Variants in WDR46 observed in about 807,000 individuals in gnomAD.
The protein encoded by WDR46 is WD repeat-containing protein 46.
Under a neutral mutation model 74.7 loss-of-function variants are expected in WDR46, and 58 were observed. That is an observed-to-expected ratio of 0.78 (90% confidence interval 0.63 to 0.97). The LOEUF is 0.97. Ranked by LOEUF, WDR46 falls within the 50% of genes least tolerant of loss-of-function variation. The probability of loss-of-function intolerance (pLI) is 0.00; values close to 1 mark genes in which losing one functional copy is unlikely to be tolerated. For missense variants in WDR46, 702 were observed against 790.1 expected, an observed-to-expected ratio of 0.89 and a Z score of 1.34; for synonymous variants, 278 against 297.3, an observed-to-expected ratio of 0.93 and a Z score of 0.67.
rs780661200 is a variant in WDR46, at chr6:33,288,148, C to T, written c.561G>A (p.Lys187=). 6.2e-7 allele frequency: 1 copy of T among 1,614,244 alleles called. No homozygotes were observed. The change falls in exon 5 of 15, where the codon AAG becomes AAA. Residue 187 remains lysine, a splice_region_variant and synonymous_variant. Coordinates refer to ENST00000374617, the MANE Select transcript of WDR46 (RefSeq NM_005452.6). ...GGCTCCTTTACCTCCTCAGGCTCAC[C>T]TTGGCTGCACTTGCAATGTCCACAG... ...VEAVDIASAA[K]HFDLNLRQFG... is the part of the protein sequence containing the mutation.
intron 10 of WDR46, among the ~76,000 whole-genome samples, chr6:33,282,615 GC>G (rs1415910702): frequency 6.6e-6 from 1 of 152,228 alleles, no homozygotes; most frequent in Non-Finnish European, 1.5e-5. Flanking sequence ...CATCACTGGA[GC>G]CCCCGTGGCC....
In WDR46 at chr6:33,288,339, C is replaced by T. The variant is rs1216455728; in HGVS notation, c.473+19G>A. On this transcript the variant is annotated intron_variant, in intron 4 of 14. Transcript: ENST00000374617. ...TCCCAAAAGGCAGGGAATGGGGGTC[C>T]AGATTAGGGCTCACTCACCCAGGTT... The T allele has an allele frequency of 1.2e-6, 2 of 1,613,938 alleles. No homozygotes were observed. Among genetic ancestry groups the T allele is most frequent in the Admixed American group, 1.7e-5 (1 of 60,024 alleles).
Position 33,286,817 on chromosome 6 carries a change from C to T in WDR46, c.1093G>A (p.Val365Met). 6.2e-7 allele frequency: 1 copy of T among 1,614,146 alleles called. No homozygotes were observed. The highest frequency in any genetic ancestry group is 8.5e-7 in the Non-Finnish European group (1 of 1,180,038). Reference sequence around the variant, plus strand: ...TACGTGCCTGTAGAATCTACTGCCACAGCCCGGACCCCACCACGATGACAG... The same window carrying T: ...TACGTGCCTGTAGAATCTACTGCCATAGCCCGGACCCCACCACGATGACAG... Reference protein sequence around the residue: ...ILCHRGGVRAVAVDSTGTYMA... With the variant: ...ILCHRGGVRAMAVDSTGTYMA... Residue 365 changes from valine (V) to methionine (M), a missense_variant, in exon 10 of 15, where the codon GTG becomes ATG. Val to Met is a conservative substitution (Grantham distance 21). Coordinates refer to ENST00000374617, the MANE Select transcript of WDR46 (RefSeq NM_005452.6).
At chr6:33,282,766 G>A (rs1766296186) in intron 10 of WDR46, among the ~76,000 whole-genome samples, 1 of 151,982 alleles carries the variant, frequency 6.6e-6, no homozygotes, top group African/African-American at 2.4e-5. Flanking sequence ...AGGAGTGGCT[G>A]ACCCAGGTAG....
intron 10 of WDR46, among the ~76,000 whole-genome samples, chr6:33,281,938 A>G (rs1766222765): frequency 6.6e-6 from 1 of 152,126 alleles, no homozygotes; most frequent in South Asian, 2.1e-4. Flanking sequence ...GGTTCAAGTG[A>G]TTCTCGTGCC....
intron 10 of WDR46, among the ~76,000 whole-genome samples, chr6:33,283,533 T>C (rs761625527): frequency 5.3e-5 from 8 of 152,110 alleles, no homozygotes; most frequent in African/African-American, 1.2e-4. Context: ...AGAGAAACTT[T>C]AGGAGGCGGT....
At position 33,280,898 on chromosome 6, in the gene WDR46, T is replaced by C. The variant is rs1468270878; in HGVS notation, c.1205A>G (p.His402Arg). Residue 402 changes from histidine (H) to arginine (R), a missense_variant, in exon 11 of 15, where the codon CAT becomes CGT. His to Arg is a conservative substitution (Grantham distance 29). Transcript: ENST00000374617. ...GGAGAAGGCCAGGTGCCCTGCTCCA[T>C]GGGGCAGGGTCCGAGTGCTCAGAGG... ...YQPLSTRTLP[H>R]GAGHLAFSQR... 4.3e-6 allele frequency: 7 copies of C among 1,614,066 alleles called. No homozygotes were observed. In the African/African-American group the frequency reaches 6.7e-5, roughly 15 times the overall value.
rs1416363166 is a variant in WDR46 at position 33,280,729 on chromosome 6, A to T, written c.1374T>A (p.Phe458Leu). The change falls in exon 11 of 15, where the codon TTT (phenylalanine) becomes TTA (leucine). Residue 458 changes from phenylalanine (F) to leucine (L), a missense_variant. Physicochemically the swap from Phe to Leu is conservative, Grantham distance 22. Transcript: ENST00000374617. The part of the protein sequence containing the change: ...GPVHGLQFCP[F>L]EDVLGVGHTG... Reference sequence around the variant, plus strand: ...TGTGCCCCACCCCCAGCACATCTTCAAAGGGGCAGAACTGAAGGCCATGCA... The same window carrying T: ...TGTGCCCCACCCCCAGCACATCTTCTAAGGGGCAGAACTGAAGGCCATGCA... 12 of 1,604,554 alleles carry T rather than the reference A, an allele frequency of 7.5e-6. No homozygotes were observed. The highest frequency in any genetic ancestry group is 1.0e-5 in the Non-Finnish European group (12 of 1,173,876).
chr6:33,283,793 G>A (rs1166538723), intron 10 of WDR46, among the ~76,000 whole-genome samples: 1 of 152,142 alleles, frequency 6.6e-6, no homozygotes, highest in Non-Finnish European at 1.5e-5. Flanking sequence ...CAGCTACTTG[G>A]AGGCTGAGGC....
In WDR46 at chr6:33,280,893, C is replaced by T; in HGVS notation, c.1210G>A (p.Ala404Thr). Reference sequence around the variant, plus strand: ...CTCTGGGAGAAGGCCAGGTGCCCTGCTCCATGGGGCAGGGTCCGAGTGCTC... The same window carrying T: ...CTCTGGGAGAAGGCCAGGTGCCCTGTTCCATGGGGCAGGGTCCGAGTGCTC... ...PLSTRTLPHG[A>T]GHLAFSQRGL... The change falls in exon 11 of 15, where the codon GCA (alanine) becomes ACA (threonine). Residue 404 changes from alanine (A) to threonine (T), a missense_variant. Coordinates refer to ENST00000374617, the MANE Select transcript of WDR46 (RefSeq NM_005452.6). 6.2e-7 allele frequency: 1 copy of T among 1,614,234 alleles called. No homozygotes were observed. Among genetic ancestry groups the T allele is most frequent in the East Asian group, 2.2e-5 (1 of 44,886 alleles).
rs368543795 is a variant in WDR46, at chr6:33,286,901, G to A, written c.1016-7C>T. 10 of 1,613,984 alleles carry A rather than the reference G, an allele frequency of 6.2e-6. No homozygotes were observed. Among genetic ancestry groups the A allele is most frequent in the South Asian group, 4.4e-5 (4 of 91,048 alleles). On this transcript the variant is annotated splice_polypyrimidine_tract_variant and splice_region_variant and intron_variant, in intron 9 of 14. Transcript: ENST00000374617. ...CTCCATAAAGACACAGTACCTGGAA[G>A]AGAAGAAGAACCAAAGTTGCTAATA...
chr6:33,281,992 G>A (rs1039554242), intron 10 of WDR46, among the ~76,000 whole-genome samples: 2 of 152,074 alleles, frequency 1.3e-5, no homozygotes, highest in Non-Finnish European at 2.9e-5. Context: ...CGCCACCACC[G>A]CTAATTTTTA....
intron 5 of WDR46, 24 bp from the exon 6 acceptor site, chr6:33,288,050 A>G (rs1228831610): frequency 1.2e-6 from 2 of 1,614,114 alleles, no homozygotes; most frequent in Non-Finnish European, 1.7e-6. Flanking sequence ...GAGTGAAAAA[A>G]AAGAGTGCCC....
chr6:33,286,239 G>A lies in WDR46; in HGVS notation c.1115+556C>T, dbSNP rs148412771. Among the ~76,000 whole-genome samples the A allele has an allele frequency of 2.3e-3, 355 of 152,250 alleles. 4 individuals are homozygous for A. In the East Asian group the frequency reaches 0.038, roughly 16 times the overall value. On this transcript the variant is annotated intron_variant, in intron 10 of 14. Coordinates refer to ENST00000374617, the MANE Select transcript of WDR46 (RefSeq NM_005452.6). ...AGGCGGGCAGATCACTTGAGGTCAG[G>A]AATTCGAGACCAGCCTGAACAACAT...
chr6:33,284,203 T>G (rs1256967483), intron 10 of WDR46: 5 of 152,576 alleles, frequency 3.3e-5, no homozygotes, highest in African/African-American at 1.2e-4. Context: ...TGAGCTGAGA[T>G]TGTGCCACTG....
Position 33,279,331 on chromosome 6 carries a change from G to A in WDR46, c.1778C>T (p.Ala593Val), listed in dbSNP as rs775020981. The part of the protein sequence containing the change: ...QSLQQQHHKE[A>V]KAKPTGARPS... Reference sequence around the variant, plus strand: ...CCGGGCCCCCGTGGGCTTGGCCTTCGCCTCCTTATGATGCTGCTGCTGAAG... The same window carrying A: ...CCGGGCCCCCGTGGGCTTGGCCTTCACCTCCTTATGATGCTGCTGCTGAAG... The change falls in exon 15 of 15, where the codon GCG becomes GTG. Residue 593 changes from alanine to valine, a missense_variant. Transcript: ENST00000374617. The A allele has an allele frequency of 5.6e-6, 9 of 1,614,082 alleles. No homozygotes were observed. Among genetic ancestry groups the A allele is most frequent in the Admixed American group, 3.3e-5 (2 of 60,012 alleles).
rs1157327112 is a variant in WDR46 at position 33,288,009 on chromosome 6, C to T, written c.579G>A (p.Leu193=). 1.2e-6 allele frequency: 2 copies of T among 1,614,144 alleles called. No homozygotes were observed. Among genetic ancestry groups the T allele is most frequent in the East Asian group, 2.2e-5 (1 of 44,880 alleles). The change falls in exon 6 of 15, where the codon CTG becomes CTA. Residue 193 remains leucine, a synonymous_variant. Coordinates refer to ENST00000374617, the MANE Select transcript of WDR46 (RefSeq NM_005452.6). The stretch of plus-strand genomic sequence containing the variant: ...TTAGTCTGTAGGGTCCAAACTGCCG[C>T]AGATTCAAGTCAAAGTGCTGGGAAA... ...ASAAKHFDLN[L]RQFGPYRLNY... is the part of the protein sequence containing the mutation.
At chr6:33,283,798 T>C (rs1011720978) in intron 10 of WDR46, among the ~76,000 whole-genome samples, 2 of 152,124 alleles carry the variant, frequency 1.3e-5, no homozygotes, top group Non-Finnish European at 2.9e-5. Flanking sequence ...ACTTGGAGGC[T>C]GAGGCAGAAC....
chr6:33,280,471 C>G lies in WDR46; in HGVS notation c.1481G>C (p.Arg494Pro), dbSNP rs201761172. The change falls in exon 12 of 15, where the codon CGG (arginine) becomes CCG (proline). Residue 494 changes from arginine to proline, a missense_variant. Coordinates refer to ENST00000374617, the MANE Select transcript of WDR46 (RefSeq NM_005452.6). ...CACCTCCCACTCCTGGCGCTGCTTC[C>G]GGCTTCTGTATGGATTACTCTCCAG... ...DGLESNPYRSRKQRQEWEVKA... is the reference protein window; with the variant it reads ...DGLESNPYRSPKQRQEWEVKA... 1.3e-6 allele frequency: 2 copies of G among 1,597,632 alleles called. No individual in the cohort carries two copies. The highest frequency in any genetic ancestry group is 4.5e-5 in the East Asian group (2 of 44,450).
Sources: gnomAD v4.1 joint callset for allele counts (sites outside exome capture counted in the v4.1 genomes callset) on GRCh38, gnomAD v4.1.1 for gene constraint, MANE v1.5 for transcripts, NCBI Gene and HGNC (gene_info 2026-07-23, HGNC 2026-07-21) for gene names.